MCOLN2: variants seen among roughly 807,000 people sequenced by gnomAD.
The protein encoded by MCOLN2 is mucolipin TRP cation channel 2.
In MCOLN2, 57 loss-of-function variants were observed where a neutral mutation model predicts 67.5. The observed-to-expected ratio is 0.84, with a 90% CI of 0.68 to 1.05. The LOEUF (loss-of-function observed/expected upper bound fraction) is 1.05, where lower values mean the gene tolerates loss of function less well. Ranked by LOEUF, MCOLN2 falls within the 50% of genes least tolerant of loss-of-function variation. MCOLN2 has a pLI of 0.00. For synonymous variants in MCOLN2, 246 were observed against 233.3 expected, an observed-to-expected ratio of 1.05 and a Z score of -0.50; for missense variants, 620 against 678.8, an observed-to-expected ratio of 0.91 and a Z score of 0.96.
chr1:84,993,023 C>T (rs1650968351), intron 1 of MCOLN2, among the ~76,000 whole-genome samples: 1 of 152,258 alleles, frequency 6.6e-6, no homozygotes, highest in African/African-American at 2.4e-5. Context: ...ATTTTACCTA[C>T]AGTAGAACTT....
chr1:84,993,917 A>G (rs1181729214), intron 1 of MCOLN2, among the ~76,000 whole-genome samples: 1 of 152,196 alleles, frequency 6.6e-6, no homozygotes, highest in South Asian at 2.1e-4. Flanking sequence ...GGTGTGAGCC[A>G]CCGCGCCCGG....
rs1247662462 is a variant in MCOLN2, at chr1:84,929,496, CTCTT to C, written c.1664+58_1664+61del. On this transcript the variant is annotated intron_variant, in intron 13 of 13. Coordinates refer to ENST00000370608, the MANE Select transcript of MCOLN2 (RefSeq NM_153259.4). ...GAATGTAATGGTAATCTTGGAGGGGCTCTTTCTTAAGACAACAGAACAGCCCATC... is the reference window on the plus strand; with the variant it reads ...GAATGTAATGGTAATCTTGGAGGGGCTCTTAAGACAACAGAACAGCCCATC... 3 of 1,485,764 alleles carry C rather than the reference CTCTT, an allele frequency of 2.0e-6. No individual in the cohort carries two copies. The African/African-American group carries it at 4.2e-5, about 21-fold the overall frequency. 92.0% of individuals were successfully genotyped at this position (1,485,764 alleles called of 1,614,324 possible).
chr1:84,935,880 T>G (rs2102807044), intron 11 of MCOLN2, among the ~76,000 whole-genome samples: 1 of 152,294 alleles, frequency 6.6e-6, no homozygotes, highest in East Asian at 1.9e-4. Context: ...ATTGAAAGAA[T>G]GAAGCCGATT....
rs140414371 is a variant in MCOLN2 at position 84,933,431 on chromosome 1, A to G, written c.1336-1863T>C. 9.8e-5 allele frequency among the ~76,000 whole-genome samples: 15 copies of G among 152,302 alleles called. No individual in the cohort carries two copies. In the East Asian group the frequency reaches 1.9e-3, roughly 20 times the overall value. Reference sequence around the variant, plus strand: ...GCATCAGCAAAAACTCTGATGAACTAAAGTCCTCCTCCAAAAAGACCTAGA... The same window carrying G: ...GCATCAGCAAAAACTCTGATGAACTGAAGTCCTCCTCCAAAAAGACCTAGA... On this transcript the variant is annotated intron_variant, in intron 11 of 13. Coordinates refer to ENST00000370608, the MANE Select transcript of MCOLN2 (RefSeq NM_153259.4).
intron 1 of MCOLN2, 111 bp from the exon 2 acceptor site, chr1:84,965,819 G>C: frequency 3.7e-6 from 3 of 807,576 alleles, no homozygotes; most frequent in Non-Finnish European, 5.5e-6. Context: ...GTCATATACT[G>C]AAAAGCCTCT....
At chr1:84,969,358 G>A (rs1037551992) in intron 1 of MCOLN2, among the ~76,000 whole-genome samples, 1 of 152,110 alleles carries the variant, frequency 6.6e-6, no homozygotes. Context: ...ATCACCTGAG[G>A]TCAGGAGTTT....
chr1:84,947,662 C>T (rs1295771765), intron 6 of MCOLN2, among the ~76,000 whole-genome samples: 2 of 152,240 alleles, frequency 1.3e-5, no homozygotes, highest in African/African-American at 4.8e-5. Context: ...GGAGTTCATA[C>T]AGCCATGCTG....
At chr1:84,969,648 ATG>A (rs1280740485) in intron 1 of MCOLN2, among the ~76,000 whole-genome samples, 2 of 152,044 alleles carry the variant, frequency 1.3e-5, no homozygotes, top group Non-Finnish European at 2.9e-5. Context: ...GGCCTTAAAC[ATG>A]TGTTTGTCCT....
chr1:84,994,961 A>C (rs1651076461), intron 1 of MCOLN2, among the ~76,000 whole-genome samples: 1 of 152,206 alleles, frequency 6.6e-6, no homozygotes, highest in South Asian at 2.1e-4. Flanking sequence ...AGACCACTGT[A>C]GGGTTATTAG....
At chr1:84,966,490 C>G (rs1649388790) in intron 1 of MCOLN2, among the ~76,000 whole-genome samples, 1 of 151,992 alleles carries the variant, frequency 6.6e-6, no homozygotes, top group Non-Finnish European at 1.5e-5. Context: ...CCAGGTATGA[C>G]ATTACAGAAA....
chr1:84,991,266 A>G (rs999192078), intron 1 of MCOLN2, among the ~76,000 whole-genome samples: 3 of 152,148 alleles, frequency 2.0e-5, no homozygotes, highest in African/African-American at 7.2e-5. Flanking sequence ...CTAAAATTCA[A>G]TGTTTCTACA....
At chr1:84,965,218 G>A (rs1224218664) in intron 2 of MCOLN2, among the ~76,000 whole-genome samples, 2 of 152,158 alleles carry the variant, frequency 1.3e-5, no homozygotes, top group Admixed American at 6.6e-5. Flanking sequence ...AAAAAATGCA[G>A]ATTTTGGAAG....
intron 2 of MCOLN2, among the ~76,000 whole-genome samples, chr1:84,961,333 T>TA (rs890413980): frequency 2.0e-4 from 30 of 150,738 alleles, no homozygotes; most frequent in African/African-American, 4.4e-4. Flanking sequence ...GCTAAAGAAA[T>TA]AAAAAAAAAT....
intron 1 of MCOLN2, among the ~76,000 whole-genome samples, chr1:84,969,764 C>A (rs1649571082): frequency 6.6e-6 from 1 of 152,174 alleles, no homozygotes; most frequent in Non-Finnish European, 1.5e-5. Context: ...TAACCCTGAA[C>A]TGCACATGCT....
intron 1 of MCOLN2, among the ~76,000 whole-genome samples, chr1:84,995,646 T>A (rs777149736): frequency 2.0e-5 from 3 of 152,178 alleles, no homozygotes; most frequent in Non-Finnish European, 4.4e-5. Context: ...TTGTTCTAGG[T>A]TTCACTTCAC....
At chr1:84,988,820 C>T (rs1362290231) in intron 1 of MCOLN2, among the ~76,000 whole-genome samples, 1 of 152,148 alleles carries the variant, frequency 6.6e-6, no homozygotes, top group Non-Finnish European at 1.5e-5. Context: ...CCTCCCATAC[C>T]CTCTTCCCCT....
intron 7 of MCOLN2, 33 bp from the exon 8 acceptor site, chr1:84,941,024 A>T (rs1393241223): frequency 7.3e-7 from 1 of 1,367,234 alleles, no homozygotes; most frequent in Admixed American, 1.8e-5. Flanking sequence ...AATGTTAAAC[A>T]CACCTTACCG....
intron 13 of MCOLN2, among the ~76,000 whole-genome samples, chr1:84,929,310 G>A (rs1243967962): frequency 6.6e-6 from 1 of 152,218 alleles, no homozygotes; most frequent in Non-Finnish European, 1.5e-5. Flanking sequence ...CATAATTTAT[G>A]CCTTCTCTTA....
In MCOLN2 at chr1:84,958,540, C is replaced by T. The variant is rs199978594; in HGVS notation, c.400G>A (p.Ala134Thr). Residue 134 changes from alanine to threonine, a missense_variant, in exon 3 of 14, where the codon GCT becomes ACT. Transcript: ENST00000370608. ...AACAAAACACTTGCCTGATTAATAG[C>T]AAAAAAGATGCTCTCATAGGCATCC... is the stretch of plus-strand genomic sequence containing the variant. ...QEDAYESIFF[A>T]INQYHQLKDI... is the part of the protein sequence containing the mutation. 1 of 1,601,082 alleles carries T rather than the reference C, an allele frequency of 6.2e-7. No homozygotes were observed. The highest frequency in any genetic ancestry group is 1.3e-5 in the African/African-American group (1 of 74,392).
Sources: gnomAD v4.1 joint callset for allele counts (sites outside exome capture counted in the v4.1 genomes callset) on GRCh38, gnomAD v4.1.1 for gene constraint, MANE v1.5 for transcripts, NCBI Gene and HGNC (gene_info 2026-07-23, HGNC 2026-07-21) for gene names.